The following MAP3K5 variants were observed in gnomAD, a reference collection of about 807,000 sequenced individuals.
MAP3K5 encodes ASK-1.
In MAP3K5, 56 loss-of-function variants were observed where a neutral mutation model predicts 158.7. The observed-to-expected ratio is 0.35, with a 90% CI of 0.28 to 0.44. The LOEUF is 0.44. Among genes scored for constraint, MAP3K5 ranks in the 20% least tolerant of loss-of-function variants. MAP3K5 has a pLI of 1.00. For synonymous variants in MAP3K5, 579 were observed against 601.7 expected (o/e 0.96, Z 0.55); for missense variants, 1,294 against 1,674.8 (o/e 0.77, Z 3.97).
At position 136,592,399 on chromosome 6, in the gene MAP3K5, A is replaced by C. The variant is rs112664524; in HGVS notation, c.3056+38T>G. ...CCCTTTATAAAATGACACACTTAACAACACACTTCTCTCACCCCAAGTAAG... is the reference window on the plus strand; with the variant it reads ...CCCTTTATAAAATGACACACTTAACCACACACTTCTCTCACCCCAAGTAAG... On this transcript the variant is annotated intron_variant, in intron 22 of 29. Coordinates refer to ENST00000359015, the MANE Select transcript of MAP3K5 (RefSeq NM_005923.4). 6.1e-3 allele frequency: 9,847 copies of C among 1,608,306 alleles called. 126 individuals are homozygous for C. Among genetic ancestry groups the C allele is most frequent in the East Asian group, 0.05 (2,249 of 44,810 alleles).
In MAP3K5 at chr6:136,769,514, A is replaced by C. The variant is rs542501952; in HGVS notation, c.448+22196T>G. Among the ~76,000 whole-genome samples the C allele has an allele frequency of 9.2e-5, 14 of 152,002 alleles. No homozygotes were observed. The South Asian group carries it at 2.7e-3, about 29-fold the overall frequency. ...TGGTTACTTTTATGGTCTATAAGTT[A>C]TCTCTCAATTTTTAAAATAAATTTA... On this transcript the variant is annotated intron_variant, in intron 1 of 29. Transcript: ENST00000359015.
Position 136,592,354 on chromosome 6 carries a change from A to G in MAP3K5, c.3057-13T>C, listed in dbSNP as rs1207978680. On this transcript the variant is annotated splice_polypyrimidine_tract_variant and intron_variant, in intron 22 of 29. Coordinates refer to ENST00000359015, the MANE Select transcript of MAP3K5 (RefSeq NM_005923.4). ...CTCATCTGGAATGCTGAGAAAATTTATGCAGCATAAATCACAGTTCCCTTT... is the reference window on the plus strand; with the variant it reads ...CTCATCTGGAATGCTGAGAAAATTTGTGCAGCATAAATCACAGTTCCCTTT... 2 of 1,589,496 alleles carry G rather than the reference A, an allele frequency of 1.3e-6. No individual in the cohort carries two copies. Among genetic ancestry groups the G allele is most frequent in the Non-Finnish European group, 1.7e-6 (2 of 1,166,918 alleles).
chr6:136,644,595 G>A (rs1778154771), intron 11 of MAP3K5, among the ~76,000 whole-genome samples: 1 of 152,216 alleles, frequency 6.6e-6, no homozygotes, highest in Non-Finnish European at 1.5e-5. Flanking sequence ...GAGTTATACT[G>A]TAGTAGGCAC....
intron 2 of MAP3K5, among the ~76,000 whole-genome samples, chr6:136,710,791 C>T (rs904312001): frequency 6.6e-6 from 1 of 152,082 alleles, no homozygotes; most frequent in African/African-American, 2.4e-5. Flanking sequence ...GGGAAAGAAC[C>T]TCTCCCTGGC....
chr6:136,558,772 A>T (rs1393718130), intron 29 of MAP3K5, 28 bp downstream of exon 29: 2 of 1,409,500 alleles, frequency 1.4e-6, no homozygotes, highest in Non-Finnish European at 2.0e-6. Flanking sequence ...TGCTCTTTCC[A>T]TAGTGACAAC....
rs532430005 is a variant in MAP3K5, at chr6:136,759,025, G to A, written c.448+32685C>T. ...CTGTTTCTATCAAAAATACAAAAAA[G>A]TAGCCAGGTGTGGTGGCAGGCACCT... is the stretch of plus-strand genomic sequence containing the variant. On this transcript the variant is annotated intron_variant, in intron 1 of 29. Transcript: ENST00000359015. 3.0e-4 allele frequency among the ~76,000 whole-genome samples: 45 copies of A among 152,188 alleles called. No homozygotes were observed. In the South Asian group the frequency reaches 7.7e-3, roughly 26 times the overall value.
chr6:136,607,673 A>C (rs370533882), intron 18 of MAP3K5, among the ~76,000 whole-genome samples: 1 of 152,180 alleles, frequency 6.6e-6, no homozygotes, highest in African/African-American at 2.4e-5. Flanking sequence ...GCAACTACCC[A>C]GGGAGGTGGT....
chr6:136,786,440 C>T (rs1445890397), intron 1 of MAP3K5, among the ~76,000 whole-genome samples: 1 of 150,930 alleles, frequency 6.6e-6, no homozygotes. Context: ...TCCACCTACA[C>T]AGGGCAACAC....
At chr6:136,727,184 A>G (rs929851584) in intron 1 of MAP3K5, among the ~76,000 whole-genome samples, 2 of 152,236 alleles carry the variant, frequency 1.3e-5, no homozygotes, top group Admixed American at 1.3e-4. Flanking sequence ...ATTAAGATGT[A>G]ATTATAATAA....
Position 136,561,531 on chromosome 6 carries a change from A to G in MAP3K5, c.3987+2T>C. ...ACTTGTCCCACAGACAGTTTTCTTTACCCGGCTTATAGTGTCTTCATCAGC... is the reference window on the plus strand; with the variant it reads ...ACTTGTCCCACAGACAGTTTTCTTTGCCCGGCTTATAGTGTCTTCATCAGC... On this transcript the variant is annotated splice_donor_variant, in intron 28 of 29. Coordinates refer to ENST00000359015, the MANE Select transcript of MAP3K5 (RefSeq NM_005923.4). LOFTEE classifies it high-confidence loss of function. 6.2e-7 allele frequency: 1 copy of G among 1,603,050 alleles called. No homozygotes were observed. Among genetic ancestry groups the G allele is most frequent in the Non-Finnish European group, 8.5e-7 (1 of 1,170,176 alleles).
chr6:136,717,844 C>T (rs1040888810), intron 2 of MAP3K5, among the ~76,000 whole-genome samples: 1 of 151,858 alleles, frequency 6.6e-6, no homozygotes, highest in Non-Finnish European at 1.5e-5. Context: ...ACATGACCTA[C>T]CAGGCTAGGA....
chr6:136,607,129 A>T (rs528807573), intron 18 of MAP3K5, among the ~76,000 whole-genome samples: 6 of 152,204 alleles, frequency 3.9e-5, no homozygotes, highest in South Asian at 2.1e-4. Flanking sequence ...CTTTTCCCCA[A>T]GTGATAATTT....
intron 1 of MAP3K5, among the ~76,000 whole-genome samples, chr6:136,776,624 C>T (rs1158675414): frequency 3.9e-5 from 6 of 152,144 alleles, no homozygotes; most frequent in East Asian, 1.9e-4. Flanking sequence ...TAAATTTAAC[C>T]GTAATACTCC....
intron 2 of MAP3K5, among the ~76,000 whole-genome samples, chr6:136,711,698 G>T (rs1188922663): frequency 6.6e-6 from 1 of 150,658 alleles, no homozygotes. Flanking sequence ...AAAGAAAAAA[G>T]AAAAAGAAAA....
At chr6:136,614,569 C>T (rs1776482907) in intron 15 of MAP3K5, among the ~76,000 whole-genome samples, 1 of 152,132 alleles carries the variant, frequency 6.6e-6, no homozygotes. Flanking sequence ...AACTGATTCA[C>T]AGAGAGGATG....
intron 9 of MAP3K5, among the ~76,000 whole-genome samples, chr6:136,657,233 T>A (rs1331583562): frequency 6.6e-6 from 1 of 152,188 alleles, no homozygotes; most frequent in South Asian, 2.1e-4. Flanking sequence ...AGACAGATGG[T>A]GCCTCAAAAG....
intron 21 of MAP3K5, 122 bp downstream of exon 21, chr6:136,600,900 G>A (rs1028674682): frequency 2.0e-5 from 19 of 958,336 alleles, no homozygotes; most frequent in East Asian, 1.2e-4. Context: ...ATCTAGTACC[G>A]CACCCTCCTT....
At chr6:136,787,373 C>A (rs1784895002) in intron 1 of MAP3K5, among the ~76,000 whole-genome samples, 1 of 152,200 alleles carries the variant, frequency 6.6e-6, no homozygotes, top group South Asian at 2.1e-4. Flanking sequence ...TCTTCAGGGG[C>A]AGGAATATGA....
At chr6:136,719,875 A>G (rs1188758955) in intron 2 of MAP3K5, among the ~76,000 whole-genome samples, 2 of 152,230 alleles carry the variant, frequency 1.3e-5, no homozygotes, top group African/African-American at 4.8e-5. Context: ...ATTTTAGGCA[A>G]ACTTCTTTGG....
Sources: gnomAD v4.1 joint callset for allele counts (sites outside exome capture counted in the v4.1 genomes callset) on GRCh38, gnomAD v4.1.1 for gene constraint, MANE v1.5 for transcripts, NCBI Gene and HGNC (gene_info 2026-07-23, HGNC 2026-07-21) for gene names.